The following CSMD1 variants were observed in gnomAD, a reference collection of about 807,000 sequenced individuals.
CSMD1 encodes the protein CUB and Sushi multiple domains 1.
CSMD1 carries 213 observed loss-of-function variants against 417.5 expected under a neutral mutation model. The observed-to-expected ratio is 0.51, with a 90% CI of 0.46 to 0.57. CSMD1 has a LOEUF of 0.57. Among genes scored for constraint, CSMD1 ranks in the 20% least tolerant of loss-of-function variants. CSMD1 has a pLI of 0.00. For missense variants in CSMD1, 6,923 were observed against 4,529.7 expected (o/e 1.53, Z -15.17); for synonymous variants, 2,862 against 1,736.8 (o/e 1.65, Z -16.11).
intron 3 of CSMD1, among the ~76,000 whole-genome samples, chr8:4,239,807 G>C (rs1256269233): frequency 6.6e-6 from 1 of 152,164 alleles, no homozygotes; most frequent in Non-Finnish European, 1.5e-5. Context: ...AAAAGGTCAA[G>C]ATATTTACAC....
intron 3 of CSMD1, among the ~76,000 whole-genome samples, chr8:4,317,184 A>G (rs1455098686): frequency 2.6e-5 from 4 of 152,204 alleles, no homozygotes; most frequent in African/African-American, 9.6e-5. Context: ...CAGTTTATAA[A>G]GCAGCTCAAT....
intron 1 of CSMD1, among the ~76,000 whole-genome samples, chr8:4,974,327 G>C (rs1177383341): frequency 6.6e-6 from 1 of 151,990 alleles, no homozygotes; most frequent in Non-Finnish European, 1.5e-5. Context: ...TTTTTGAAGA[G>C]CACAGTCTCA....
chr8:3,619,380 A>AT (rs5888976), intron 7 of CSMD1, among the ~76,000 whole-genome samples: 72,275 of 150,462 alleles, frequency 0.48, 17,372 homozygotes, highest in Middle Eastern at 0.54. Context: ...TCAAATGCTT[A>AT]TTTTTTTTTA....
chr8:4,493,349 T>A (rs990414780), intron 2 of CSMD1, among the ~76,000 whole-genome samples: 3 of 152,166 alleles, frequency 2.0e-5, no homozygotes, highest in African/African-American at 7.2e-5. Flanking sequence ...ACTAGGCACC[T>A]AAATGATGGT....
intron 4 of CSMD1, among the ~76,000 whole-genome samples, chr8:4,008,674 G>A (rs559965170): frequency 2.2e-5 from 3 of 133,998 alleles, no homozygotes; most frequent in African/African-American, 8.7e-5. Context: ...GCAGTGGTGC[G>A]ATCTCAGGTA....
chr8:3,333,687 C>G (rs1291419248), intron 23 of CSMD1, among the ~76,000 whole-genome samples: 2 of 152,102 alleles, frequency 1.3e-5, no homozygotes, highest in African/African-American at 2.4e-5. Context: ...TTTTTATAAC[C>G]CTATTCTATA....
Position 2,962,655 on chromosome 8 carries a change from A to C in CSMD1, c.9455-16T>G. On this transcript the variant is annotated splice_polypyrimidine_tract_variant and intron_variant, in intron 60 of 69. Coordinates refer to ENST00000635120, the MANE Select transcript of CSMD1 (RefSeq NM_033225.6). ...CAGAACACAGCTATGGAAGATAACC[A>C]GGAAGAAGTCAGCCTTCAACGTCCC... 2 of 1,610,874 alleles carry C rather than the reference A, an allele frequency of 1.2e-6. No individual in the cohort carries two copies. The highest frequency in any genetic ancestry group is 1.7e-6 in the Non-Finnish European group (2 of 1,177,992).
At position 3,273,174 on chromosome 8, in the gene CSMD1, C is replaced by T. The variant is rs576176928; in HGVS notation, c.4153+10970G>A. 1.7e-4 allele frequency among the ~76,000 whole-genome samples: 26 copies of T among 150,980 alleles called. No homozygotes were observed. In the East Asian group the frequency reaches 3.1e-3, roughly 18 times the overall value. ...TGAATTTTGTCAAAGGCCTTTTCTG[C>T]GTCTATTGAGATAATCATGTGGTTT... On this transcript the variant is annotated intron_variant, in intron 26 of 69. Transcript: ENST00000635120.
chr8:4,157,593 T>C (rs567209655), intron 3 of CSMD1, among the ~76,000 whole-genome samples: 1 of 152,170 alleles, frequency 6.6e-6, no homozygotes, highest in Admixed American at 6.6e-5. Flanking sequence ...CTGCCGGTCA[T>C]GTAACAAATG....
At chr8:3,948,509 T>C (rs957049190) in intron 5 of CSMD1, among the ~76,000 whole-genome samples, 3 of 152,126 alleles carry the variant, frequency 2.0e-5, no homozygotes, top group African/African-American at 7.2e-5. Context: ...TAGTTTGTCT[T>C]CTTATATTTT....
chr8:3,901,592 T>A (rs2688405), intron 5 of CSMD1, among the ~76,000 whole-genome samples: 5,987 of 152,306 alleles, frequency 0.039, 406 homozygotes, highest in African/African-American at 0.14. Flanking sequence ...GCCTTGGGGC[T>A]CAGATCTTTT....
intron 7 of CSMD1, among the ~76,000 whole-genome samples, chr8:3,694,900 G>A (rs62474725): frequency 6.6e-6 from 1 of 151,982 alleles, no homozygotes; most frequent in Non-Finnish European, 1.5e-5. Flanking sequence ...CTGGGTGTGA[G>A]GGGAAATCGC....
At chr8:4,390,577 G>T (rs942074458) in intron 3 of CSMD1, among the ~76,000 whole-genome samples, 1 of 150,120 alleles carries the variant, frequency 6.7e-6, no homozygotes, top group East Asian at 2.0e-4. Context: ...GCAGTGGTGC[G>T]ATCTCAGCTC....
At chr8:4,005,610 A>G (rs976266452) in intron 4 of CSMD1, among the ~76,000 whole-genome samples, 2 of 152,242 alleles carry the variant, frequency 1.3e-5, no homozygotes, top group African/African-American at 2.4e-5. Context: ...TTGCAGTCAT[A>G]AATTCACTCT....
intron 3 of CSMD1, among the ~76,000 whole-genome samples, chr8:4,252,099 G>A (rs1189401268): frequency 1.3e-5 from 2 of 152,164 alleles, no homozygotes; most frequent in Non-Finnish European, 2.9e-5. Flanking sequence ...CAAAGAAACA[G>A]TACAGGTGGT....
At chr8:4,277,794 C>A (rs1390049508) in intron 3 of CSMD1, among the ~76,000 whole-genome samples, 1 of 152,198 alleles carries the variant, frequency 6.6e-6, no homozygotes, top group Non-Finnish European at 1.5e-5. Flanking sequence ...GTTGCCCAGG[C>A]TGGAGTGCAG....
chr8:3,898,107 T>A (rs189038251), intron 5 of CSMD1, among the ~76,000 whole-genome samples: 1 of 152,228 alleles, frequency 6.6e-6, no homozygotes, highest in East Asian at 1.9e-4. Flanking sequence ...GACACCCAAT[T>A]TCTCACCATA....
intron 55 of CSMD1, among the ~76,000 whole-genome samples, chr8:2,978,074 G>A (rs964245309): frequency 1.3e-5 from 2 of 152,150 alleles, no homozygotes; most frequent in Non-Finnish European, 1.5e-5. Context: ...CCACTACTGG[G>A]TATATACTCA....
intron 49 of CSMD1, among the ~76,000 whole-genome samples, chr8:3,079,756 C>A (rs766642714): frequency 3.3e-5 from 5 of 151,920 alleles, no homozygotes; most frequent in Non-Finnish European, 7.4e-5. Flanking sequence ...GAAATGGCTT[C>A]GATTTTGGAA....
Sources: allele counts gnomAD v4.1 joint callset (sites outside exome capture counted in the v4.1 genomes callset), GRCh38; gene constraint gnomAD v4.1.1; transcripts MANE v1.5; gene names NCBI Gene and HGNC (gene_info 2026-07-23, HGNC 2026-07-21).